The following KALRN variants were observed in gnomAD, a reference collection of about 807,000 sequenced individuals.
KALRN encodes kalirin.
Under a neutral mutation model 353.7 loss-of-function variants are expected in KALRN, and 70 were observed. That is an observed-to-expected ratio of 0.20 (90% CI 0.16 to 0.24). The LOEUF is 0.24. Ranked by LOEUF, KALRN falls within the 10% of genes least tolerant of loss-of-function variation. KALRN has a pLI of 1.00. For synonymous variants in KALRN, 1,391 were observed against 1,434.8 expected, an observed-to-expected ratio of 0.97 and a Z score of 0.69; for missense variants, 2,791 against 3,756.7, an observed-to-expected ratio of 0.74 and a Z score of 6.72.
intron 55 of KALRN, among the ~76,000 whole-genome samples, chr3:124,698,800 C>T (rs2062182510): frequency 6.6e-6 from 1 of 152,138 alleles, no homozygotes; most frequent in Non-Finnish European, 1.5e-5. Flanking sequence ...GCAATTTAAA[C>T]TGTTAAAATT....
At chr3:124,590,466 A>G (rs922111681) in intron 34 of KALRN, among the ~76,000 whole-genome samples, 2 of 152,182 alleles carry the variant, frequency 1.3e-5, no homozygotes, top group African/African-American at 4.8e-5. Context: ...TTAAAAATAA[A>G]AATAAAAAAG....
intron 33 of KALRN, among the ~76,000 whole-genome samples, chr3:124,502,079 A>T (rs2064643306): frequency 6.6e-6 from 1 of 152,260 alleles, no homozygotes; most frequent in African/African-American, 2.4e-5. Context: ...GACTGAGAGA[A>T]AAATTGAAAG....
intron 58 of KALRN, among the ~76,000 whole-genome samples, chr3:124,715,692 AG>A (rs2063103800): frequency 6.6e-6 from 1 of 152,234 alleles, no homozygotes; most frequent in Admixed American, 6.5e-5. Flanking sequence ...AAACTTGACC[AG>A]GGGGATTTCA....
chr3:124,558,265 A>G (rs1005187859), intron 33 of KALRN, among the ~76,000 whole-genome samples: 2 of 152,094 alleles, frequency 1.3e-5, no homozygotes, highest in Non-Finnish European at 2.9e-5. Flanking sequence ...ATAATAATTC[A>G]CTAATACCGC....
intron 1 of KALRN, among the ~76,000 whole-genome samples, chr3:124,095,541 G>A (rs993906418): frequency 6.6e-6 from 1 of 152,174 alleles, no homozygotes; most frequent in African/African-American, 2.4e-5. Context: ...TACCTATCCT[G>A]AGGATAGCTC....
intron 6 of KALRN, among the ~76,000 whole-genome samples, chr3:124,325,258 G>A (rs74484384): frequency 0.012 from 1,791 of 152,216 alleles, 31 homozygotes; most frequent in African/African-American, 0.041. Flanking sequence ...GCCTTTTGGG[G>A]TACCCACAGA....
intron 1 of KALRN, among the ~76,000 whole-genome samples, chr3:124,049,663 T>A (rs2040847724): frequency 6.6e-6 from 1 of 152,194 alleles, no homozygotes; most frequent in African/African-American, 2.4e-5. Context: ...GGTAGGAAAT[T>A]GGCAGCACTA....
chr3:124,223,898 A>G (rs1228843676), intron 1 of KALRN, among the ~76,000 whole-genome samples: 1 of 152,196 alleles, frequency 6.6e-6, no homozygotes, highest in Non-Finnish European at 1.5e-5. Flanking sequence ...AGGAGAAGCA[A>G]AAGTGGGGCT....
rs140431180 is a variant in KALRN at position 124,234,493 on chromosome 3, A to G, written c.149-336A>G. Among the ~76,000 whole-genome samples the G allele has an allele frequency of 6.2e-3, 947 of 152,188 alleles. 8 individuals are homozygous for G. Among genetic ancestry groups the G allele is most frequent in the African/African-American group, 0.021 (876 of 41,518 alleles). ...TTTCTCAATAAGAACAGTTATCACC[A>G]TTTTCATTATCATCTCACATTTGTA... On this transcript the variant is annotated intron_variant, in intron 2 of 59. Coordinates refer to ENST00000682506, the MANE Select transcript of KALRN (RefSeq NM_001388419.1).
intron 56 of KALRN, 46 bp downstream of exon 56, chr3:124,700,079 C>T (rs773567439): frequency 1.9e-6 from 3 of 1,594,164 alleles, no homozygotes; most frequent in Non-Finnish European, 1.7e-6. Context: ...GGGATTGAGG[C>T]ACCTGGCTGC....
At chr3:124,312,721 A>T (rs2078397839) in intron 6 of KALRN, among the ~76,000 whole-genome samples, 1 of 152,240 alleles carries the variant, frequency 6.6e-6, no homozygotes, top group Admixed American at 6.5e-5. Context: ...TGTGTCTTTT[A>T]CTAAACACTG....
chr3:124,322,077 G>A (rs769330354), intron 6 of KALRN, among the ~76,000 whole-genome samples: 12 of 152,230 alleles, frequency 7.9e-5, no homozygotes, highest in Non-Finnish European at 1.8e-4. Context: ...GGGCTAAAGA[G>A]GAGAGGGAGA....
intron 33 of KALRN, among the ~76,000 whole-genome samples, chr3:124,512,646 G>C (rs2066057406): frequency 6.6e-6 from 1 of 151,844 alleles, no homozygotes; most frequent in Non-Finnish European, 1.5e-5. Context: ...GCAAGTCTCT[G>C]TCTTGGAAAA....
In KALRN at chr3:124,439,320, C is replaced by T. The variant is rs143650889; in HGVS notation, c.3198+283C>T. ...TAAGGGAATGTAATGAAGATGTTGACTGGTTAATTTCAAAGGGTGAAAGGT... is the reference window on the plus strand; with the variant it reads ...TAAGGGAATGTAATGAAGATGTTGATTGGTTAATTTCAAAGGGTGAAAGGT... On this transcript the variant is annotated intron_variant, in intron 18 of 59. Transcript: ENST00000682506. Among the ~76,000 whole-genome samples, 560 of 151,978 alleles carry T rather than the reference C, an allele frequency of 3.7e-3. 4 individuals carry two copies. Among genetic ancestry groups the T allele is most frequent in the Admixed American group, 0.011 (167 of 15,236 alleles).
At chr3:124,453,678 AT>A (rs1170918850) in intron 21 of KALRN, among the ~76,000 whole-genome samples, 1 of 152,150 alleles carries the variant, frequency 6.6e-6, no homozygotes, top group Non-Finnish European at 1.5e-5. Context: ...TTAGAATAGT[AT>A]TTAAATGTTC....
intron 34 of KALRN, among the ~76,000 whole-genome samples, chr3:124,623,570 A>C (rs2079572987): frequency 1.3e-5 from 2 of 152,106 alleles, no homozygotes; most frequent in African/African-American, 4.8e-5. Context: ...CCAGCACTGG[A>C]GAAAGATGTA....
At chr3:124,641,557 TG>T (rs1157907162) in intron 37 of KALRN, among the ~76,000 whole-genome samples, 2 of 152,222 alleles carry the variant, frequency 1.3e-5, no homozygotes, top group African/African-American at 4.8e-5. Flanking sequence ...TTAGTCTACT[TG>T]GGGTTCTCTT....
chr3:124,441,748 C>T (rs1426686673), intron 18 of KALRN, among the ~76,000 whole-genome samples, 197 bp from the exon 19 acceptor site: 1 of 151,826 alleles, frequency 6.6e-6, no homozygotes, highest in African/African-American at 2.4e-5. Context: ...ACTGCTTGAG[C>T]CTGGGAGGTG....
intron 9 of KALRN, among the ~76,000 whole-genome samples, chr3:124,335,871 G>A (rs1055969652): frequency 1.3e-5 from 2 of 152,152 alleles, no homozygotes; most frequent in Non-Finnish European, 2.9e-5. Flanking sequence ...ATAATACAAT[G>A]TAATCCATTG....
Sources: allele counts gnomAD v4.1 joint callset (sites outside exome capture counted in the v4.1 genomes callset), GRCh38; gene constraint gnomAD v4.1.1; transcripts MANE v1.5; gene names NCBI Gene and HGNC (gene_info 2026-07-23, HGNC 2026-07-21).